PRKCB: variants seen among roughly 807,000 people sequenced by gnomAD.
The protein encoded by PRKCB is protein kinase C beta, also known as protein kinase C beta type.
Under a neutral mutation model 81.5 loss-of-function variants are expected in PRKCB, and 13 were observed. That is an observed-to-expected ratio of 0.16 (90% CI 0.10 to 0.25). PRKCB has a LOEUF of 0.25. PRKCB is among the 10% of genes least tolerant of loss of function. The pLI is 1.00. For missense variants in PRKCB, 509 were observed against 875.7 expected (o/e 0.58, Z 5.29); for synonymous variants, 335 against 321.4 (o/e 1.04, Z -0.45).
intron 16 of PRKCB, among the ~76,000 whole-genome samples, chr16:24,205,490 G>A (rs537018309): frequency 2.6e-5 from 4 of 152,208 alleles, no homozygotes; most frequent in East Asian, 1.9e-4. Context: ...TTGTTTCTGC[G>A]ATAAATGTAG....
intron 2 of PRKCB, among the ~76,000 whole-genome samples, chr16:23,860,811 G>A (rs62030649): frequency 0.025 from 3,816 of 152,246 alleles, 79 homozygotes; most frequent in South Asian, 0.061. Context: ...GGAGGCTGAG[G>A]CAGGAGAATT....
chr16:24,095,550 G>C (rs1374457761), intron 7 of PRKCB, among the ~76,000 whole-genome samples: 1 of 152,134 alleles, frequency 6.6e-6, no homozygotes, highest in Non-Finnish European at 1.5e-5. Flanking sequence ...GAGTAACTTA[G>C]GAAGTTGGAA....
chr16:24,066,858 A>G (rs1372772111), intron 5 of PRKCB, among the ~76,000 whole-genome samples: 1 of 152,094 alleles, frequency 6.6e-6, no homozygotes, highest in Non-Finnish European at 1.5e-5. Flanking sequence ...TGCTTTATTT[A>G]GTTATTTTGA....
At chr16:23,949,926 A>C (rs993205413) in intron 2 of PRKCB, among the ~76,000 whole-genome samples, 3 of 151,992 alleles carry the variant, frequency 2.0e-5, no homozygotes, top group Non-Finnish European at 4.4e-5. Flanking sequence ...AGCCACCCAC[A>C]CCTCTTCCCT....
At chr16:24,169,711 C>G (rs904576494) in intron 10 of PRKCB, among the ~76,000 whole-genome samples, 3 of 152,136 alleles carry the variant, frequency 2.0e-5, no homozygotes, top group Non-Finnish European at 2.9e-5. Flanking sequence ...TCCCAATCCT[C>G]CATACTTTGC....
At chr16:23,917,020 G>T (rs1295039167) in intron 2 of PRKCB, among the ~76,000 whole-genome samples, 1 of 151,950 alleles carries the variant, frequency 6.6e-6, no homozygotes, top group Non-Finnish European at 1.5e-5. Flanking sequence ...AAGTGATAGG[G>T]TCACCTGGGC....
At chr16:24,023,743 C>T (rs542640801) in intron 3 of PRKCB, among the ~76,000 whole-genome samples, 4 of 152,258 alleles carry the variant, frequency 2.6e-5, no homozygotes, top group South Asian at 4.1e-4. Flanking sequence ...ACTCTGAAAC[C>T]GATGGGTAAA....
At chr16:23,976,157 A>T (rs1281359624) in intron 2 of PRKCB, among the ~76,000 whole-genome samples, 1 of 152,086 alleles carries the variant, frequency 6.6e-6, no homozygotes, top group African/African-American at 2.4e-5. Context: ...AGAAAAAAAA[A>T]TTCAGGTGTA....
intron 3 of PRKCB, among the ~76,000 whole-genome samples, chr16:24,007,039 A>G (rs1246815444): frequency 6.6e-6 from 1 of 152,216 alleles, no homozygotes; most frequent in Non-Finnish European, 1.5e-5. Flanking sequence ...AAGCCAGTGT[A>G]AGGCAATATG....
At chr16:24,026,316 C>T (rs1965479709) in intron 3 of PRKCB, among the ~76,000 whole-genome samples, 1 of 152,150 alleles carries the variant, frequency 6.6e-6, no homozygotes, top group African/African-American at 2.4e-5. Context: ...AAACAAAACA[C>T]ACACAAACAC....
intron 15 of PRKCB, among the ~76,000 whole-genome samples, 190 bp from the exon 16 acceptor site, chr16:24,190,900 C>T (rs1967781917): frequency 6.6e-6 from 1 of 152,062 alleles, no homozygotes; most frequent in Non-Finnish European, 1.5e-5. Context: ...GGCAGTGGGT[C>T]CTATTATCAG....
rs373477950 is a variant in PRKCB, at chr16:23,984,852, G to C, written c.206-3656G>C. ...TGAAGCTGGGGAAAGCTCAGGGATG[G>C]GGCGAGACTATGCTGTCATCCCTTT... On this transcript the variant is annotated intron_variant, in intron 2 of 16. Coordinates refer to ENST00000643927, the MANE Select transcript of PRKCB (RefSeq NM_002738.7). Among the ~76,000 whole-genome samples the C allele has an allele frequency of 2.9e-4, 44 of 152,194 alleles. No homozygotes were observed. In the East Asian group the frequency reaches 5.8e-3, roughly 20 times the overall value.
At chr16:24,077,590 A>G (rs528800744) in intron 5 of PRKCB, among the ~76,000 whole-genome samples, 2 of 152,274 alleles carry the variant, frequency 1.3e-5, no homozygotes, top group African/African-American at 2.4e-5. Context: ...CAACTCATCC[A>G]TCCATGTAAT....
intron 9 of PRKCB, among the ~76,000 whole-genome samples, chr16:24,129,896 A>G (rs1966850859): frequency 6.6e-6 from 1 of 152,210 alleles, no homozygotes; most frequent in Non-Finnish European, 1.5e-5. Flanking sequence ...TCATTATGAA[A>G]ATTTAAAAAA....
At chr16:24,122,145 G>A (rs1218239784) in intron 8 of PRKCB, among the ~76,000 whole-genome samples, 1 of 152,208 alleles carries the variant, frequency 6.6e-6, no homozygotes, top group African/African-American at 2.4e-5. Context: ...TATGTAGGGT[G>A]TTCAGGGAAG....
At chr16:24,197,112 A>C (rs984532290) in intron 16 of PRKCB, among the ~76,000 whole-genome samples, 1 of 152,202 alleles carries the variant, frequency 6.6e-6, no homozygotes, top group Non-Finnish European at 1.5e-5. Context: ...TAGGTGATGG[A>C]AACATAGCAC....
chr16:24,049,591 T>G (rs1347018377), intron 5 of PRKCB, among the ~76,000 whole-genome samples: 1 of 151,808 alleles, frequency 6.6e-6, no homozygotes, highest in Non-Finnish European at 1.5e-5. Flanking sequence ...TCTAGCATCA[T>G]CCGGGACCTG....
At position 23,839,813 on chromosome 16, in the gene PRKCB, C is replaced by T. The variant is rs184410093; in HGVS notation, c.205+2407C>T. On this transcript the variant is annotated intron_variant, in intron 2 of 16. Transcript: ENST00000643927. ...AGCAGCTCCAACTCATTGCAATATC[C>T]AAGATTCTTGGACCAGAGCTTGACA... 3.5e-4 allele frequency among the ~76,000 whole-genome samples: 53 copies of T among 152,284 alleles called. 1 individual carries two copies. In the East Asian group the frequency reaches 4.1e-3, roughly 12 times the overall value.
At chr16:24,074,987 G>C (rs28605476) in intron 5 of PRKCB, among the ~76,000 whole-genome samples, 6,851 of 151,936 alleles carry the variant, frequency 0.045, 543 homozygotes, top group African/African-American at 0.16. Context: ...AATGTGGTGG[G>C]ATATGCCTAT....
Sources: gnomAD v4.1 joint callset for allele counts (sites outside exome capture counted in the v4.1 genomes callset) on GRCh38, gnomAD v4.1.1 for gene constraint, MANE v1.5 for transcripts, NCBI Gene and HGNC (gene_info 2026-07-23, HGNC 2026-07-21) for gene names.